The following FAM227A variants were observed in gnomAD, a reference collection of about 807,000 sequenced individuals.
The protein encoded by FAM227A is family with sequence similarity 227 member A, also known as protein FAM227A.
Under a neutral mutation model 74.7 loss-of-function variants are expected in FAM227A, and 80 were observed. The ratio of observed to expected loss-of-function variants is 1.07; its 90% confidence interval spans 0.89 to 1.29. FAM227A has a LOEUF of 1.29. Ranked by LOEUF, FAM227A falls within the 50% of genes most tolerant of loss-of-function variation. The pLI, the probability that FAM227A is intolerant of heterozygous loss-of-function variation, is 0.00. For missense variants in FAM227A, 654 were observed against 683.4 expected (o/e 0.96, Z 0.48); for synonymous variants, 237 against 241.8 (o/e 0.98, Z 0.19).
chr22:38,622,090 T>C (rs2091702181), intron 10 of FAM227A, among the ~76,000 whole-genome samples: 1 of 152,320 alleles, frequency 6.6e-6, no homozygotes, highest in African/African-American at 2.4e-5. Flanking sequence ...TCCCTAGCAA[T>C]GACCAGACTT....
chr22:38,655,978 G>C (rs974899924), intron 1 of FAM227A, 142 bp downstream of exon 1: 13 of 152,284 alleles, frequency 8.5e-5, no homozygotes, highest in Admixed American at 8.5e-4. Flanking sequence ...TTCTCCAGTA[G>C]TTCTCTGTCC....
At chr22:38,613,079 TA>T (rs1265705670) in intron 11 of FAM227A, among the ~76,000 whole-genome samples, 3 of 97,858 alleles carry the variant, frequency 3.1e-5, no homozygotes, top group South Asian at 2.5e-4. Context: ...ATATTATATA[TA>T]ATTATATATA....
At chr22:38,634,207 G>A (rs1179741521) in intron 6 of FAM227A, among the ~76,000 whole-genome samples, 2 of 118,752 alleles carry the variant, frequency 1.7e-5, no homozygotes, top group Admixed American at 1.1e-4. Context: ...GGGAGACAGA[G>A]CAAGACTCTG....
chr22:38,595,492 G>A (rs115505084), intron 15 of FAM227A, among the ~76,000 whole-genome samples: 3,680 of 152,274 alleles, frequency 0.024, 150 homozygotes, highest in African/African-American at 0.083. Context: ...GGCAGAAGTA[G>A]AAAAATCACC....
chr22:38,636,321 G>C, intron 6 of FAM227A, 130 bp downstream of exon 6: 2 of 993,004 alleles, frequency 2.0e-6, no homozygotes, highest in Non-Finnish European at 1.4e-6. Flanking sequence ...AGGGTTCCTA[G>C]CTCAGCTCAG....
At chr22:38,602,865 C>T (rs2091205480) in intron 13 of FAM227A, among the ~76,000 whole-genome samples, 1 of 151,914 alleles carries the variant, frequency 6.6e-6, no homozygotes, top group South Asian at 2.1e-4. Context: ...TGAAGTTTTG[C>T]TTTTTGTTGT....
At chr22:38,625,217 G>A (rs1237603003) in intron 9 of FAM227A, among the ~76,000 whole-genome samples, 4 of 151,742 alleles carry the variant, frequency 2.6e-5, no homozygotes, top group East Asian at 3.9e-4. Flanking sequence ...GTGAAACCCC[G>A]TCTCTACTAA....
At chr22:38,610,929 A>G (rs5757176) in intron 11 of FAM227A, among the ~76,000 whole-genome samples, 65,697 of 151,732 alleles carry the variant, frequency 0.43, 15,053 homozygotes, top group African/African-American at 0.59. Flanking sequence ...GAGTGGTGGC[A>G]GGCACCTGTA....
chr22:38,606,500 C>T, intron 12 of FAM227A, among the ~76,000 whole-genome samples: 1 of 152,130 alleles, frequency 6.6e-6, no homozygotes, highest in East Asian at 1.9e-4. Flanking sequence ...TTTGTCTTTC[C>T]TGCTGAGAAA....
chr22:38,612,635 C>A (rs947945456), intron 11 of FAM227A, among the ~76,000 whole-genome samples: 1 of 152,168 alleles, frequency 6.6e-6, no homozygotes, highest in Admixed American at 6.6e-5. Flanking sequence ...GCTCTACCTG[C>A]AGATGCACCA....
chr22:38,604,719 T>C lies in FAM227A; in HGVS notation c.1221+535A>G, dbSNP rs183242824. ...CCCAGGCTGGAGTGCAGTGGCGCGA[T>C]CTTAGCTCACTGCAACATCCGCCTC... is the stretch of plus-strand genomic sequence containing the variant. On this transcript the variant is annotated intron_variant, in intron 13 of 16. Transcript: ENST00000535113. Among the ~76,000 whole-genome samples, 5 of 152,316 alleles carry C rather than the reference T, an allele frequency of 3.3e-5. No individual in the cohort carries two copies. In the East Asian group the frequency reaches 9.6e-4, roughly 29 times the overall value.
At chr22:38,605,468 T>G (rs1367319338) in intron 12 of FAM227A, 120 bp from the exon 13 acceptor site, 1 of 638,336 alleles carries the variant, frequency 1.6e-6, no homozygotes, top group African/African-American at 1.8e-5. Context: ...TTTTGTAGTT[T>G]TAGTAGAAAC....
At chr22:38,607,176 CAAAAAAAAA>C (rs528873313) in intron 12 of FAM227A, among the ~76,000 whole-genome samples, 39 of 55,660 alleles carry the variant, frequency 7.0e-4, no homozygotes, top group Non-Finnish European at 8.0e-5. Flanking sequence ...GACTTCATCT[CAAAAAAAAA>C]AAAAAAAAAA....
intron 15 of FAM227A, among the ~76,000 whole-genome samples, chr22:38,596,489 C>T (rs770334090): frequency 6.6e-6 from 1 of 152,128 alleles, no homozygotes; most frequent in Non-Finnish European, 1.5e-5. Context: ...GAGGCTGCAG[C>T]AGGCTGTAAT....
chr22:38,629,326 G>A (rs187399450), intron 6 of FAM227A, among the ~76,000 whole-genome samples: 39 of 152,362 alleles, frequency 2.6e-4, no homozygotes, highest in Admixed American at 5.9e-4. Flanking sequence ...CAGTAAGCAT[G>A]TGGAATTCTA....
intron 13 of FAM227A, among the ~76,000 whole-genome samples, chr22:38,602,936 C>T (rs1363800531): frequency 6.6e-6 from 1 of 152,116 alleles, no homozygotes; most frequent in East Asian, 1.9e-4. Context: ...TGCAGTGACG[C>T]AATCTCTGCT....
At chr22:38,654,331 G>T (rs922886242) in intron 1 of FAM227A, among the ~76,000 whole-genome samples, 1 of 149,984 alleles carries the variant, frequency 6.7e-6, no homozygotes, top group Admixed American at 6.7e-5. Flanking sequence ...TGGGCAACAA[G>T]AGCAAAACTC....
chr22:38,598,919 G>A (rs547796764), intron 14 of FAM227A, among the ~76,000 whole-genome samples: 15 of 151,700 alleles, frequency 9.9e-5, no homozygotes, highest in African/African-American at 3.6e-4. Context: ...AAGCTGCTAA[G>A]ACTCAGGACA....
intron 9 of FAM227A, among the ~76,000 whole-genome samples, chr22:38,624,347 C>A (rs1215725692): frequency 6.6e-6 from 1 of 151,962 alleles, no homozygotes; most frequent in Admixed American, 6.6e-5. Flanking sequence ...AGAGATCCTG[C>A]CATTGCCCTC....
Sources: allele counts gnomAD v4.1 joint callset (sites outside exome capture counted in the v4.1 genomes callset), GRCh38; gene constraint gnomAD v4.1.1; transcripts MANE v1.5; gene names NCBI Gene and HGNC (gene_info 2026-07-23, HGNC 2026-07-21).